The following TEKT4 variants were observed in gnomAD, a reference collection of about 807,000 sequenced individuals.
The protein encoded by TEKT4 is tektin-4.
TEKT4 carries 46 observed loss-of-function variants against 46.0 expected under a neutral mutation model. The ratio of observed to expected loss-of-function variants is 1.00; its 90% confidence interval spans 0.79 to 1.28. TEKT4 has a LOEUF of 1.28. TEKT4 is among the 50% of genes most tolerant of loss of function. The pLI, the probability that TEKT4 is intolerant of heterozygous loss-of-function variation, is 0.00. For missense variants in TEKT4, 790 were observed against 622.9 expected, an observed-to-expected ratio of 1.27 and a Z score of -2.85; for synonymous variants, 325 against 265.8, an observed-to-expected ratio of 1.22 and a Z score of -2.17.
intron 3 of TEKT4, among the ~76,000 whole-genome samples, chr2:94,874,392 C>T (rs1279774725): frequency 6.6e-6 from 1 of 152,042 alleles, no homozygotes; most frequent in African/African-American, 2.4e-5. Context: ...GGAGCCTGAC[C>T]ACCGCCCACT....
intron 3 of TEKT4, among the ~76,000 whole-genome samples, 166 bp from the exon 4 acceptor site, chr2:94,874,610 G>A (rs1457496660): frequency 6.6e-6 from 1 of 151,888 alleles, no homozygotes; most frequent in Non-Finnish European, 1.5e-5. Flanking sequence ...GCACTCGGGG[G>A]CAGGGAGCCT....
chr2:94,876,483 C>T (rs1680859066), intron 5 of TEKT4, 70 bp from the exon 6 acceptor site: 1 of 1,399,822 alleles, frequency 7.1e-7, no homozygotes. Context: ...AGTTTTGGGT[C>T]CCCTACACCC....
At position 94,872,000 on chromosome 2, in the gene TEKT4, ACT is replaced by A. The variant is rs1680591838; in HGVS notation, c.422_423del (p.Thr141ArgfsTer7). ...CACAGAGGTGCCCTTCTCCATCACC[ACT>A]GACAACCTGCAGTGCCGTGAGCGCC... Reference protein sequence around the residue: ...DATEVPFSITTDNLQCRERRE... With the variant: ...DATEVPFSITXDNLQCRERRE... On this transcript the variant is annotated frameshift_variant, in exon 1 of 6. Transcript: ENST00000295201. LOFTEE classifies it high-confidence loss of function. 6.3e-7 allele frequency: 1 copy of A among 1,598,378 alleles called. No individual in the cohort carries two copies.
In TEKT4 at chr2:94,871,859, C is replaced by A. The variant is rs782025240; in HGVS notation, c.280C>A (p.Arg94=). The change falls in exon 1 of 6, where the codon CGA becomes AGA. Residue 94 remains arginine (R), a synonymous_variant. Coordinates refer to ENST00000295201, the MANE Select transcript of TEKT4 (RefSeq NM_144705.4). ...AGACTCCACGCGCACAGTGGGCGAG[C>A]GACTGCAGGACACGCACAGCTGGAA... ...QQDSTRTVGE[R]LQDTHSWKSE... is the part of the protein sequence containing the mutation. The A allele has an allele frequency of 5.0e-6, 8 of 1,602,568 alleles. No individual in the cohort carries two copies. Among genetic ancestry groups the A allele is most frequent in the East Asian group, 2.2e-5 (1 of 44,706 alleles).
Position 94,871,674 on chromosome 2 carries a change from C to T in TEKT4, c.95C>T (p.Ala32Val), listed in dbSNP as rs782592018. Residue 32 changes from alanine to valine, a missense_variant, in exon 1 of 6, where the codon GCC (alanine) becomes GTC (valine). By Grantham distance (64) the Ala-to-Val change is moderately conservative. Coordinates refer to ENST00000295201, the MANE Select transcript of TEKT4 (RefSeq NM_144705.4). Reference sequence around the variant, plus strand: ...TACACGTCCTCCGGCCTGGCCACCGCCAGCTTCCGCACCTCCAAGTACCTG... The same window carrying T: ...TACACGTCCTCCGGCCTGGCCACCGTCAGCTTCCGCACCTCCAAGTACCTG... ...GAYTSSGLAT[A>V]SFRTSKYLLE... The T allele has an allele frequency of 2.5e-6, 4 of 1,612,590 alleles. No individual in the cohort carries two copies. The East Asian group carries it at 8.9e-5, about 36-fold the overall frequency.
chr2:94,872,180 G>A, intron 1 of TEKT4, 103 bp downstream of exon 1: 1 of 1,412,562 alleles, frequency 7.1e-7, no homozygotes. Context: ...CAAGCACGCG[G>A]GAGCCCAGCC....
In TEKT4 at chr2:94,875,760, G is replaced by C. The variant is rs782616781; in HGVS notation, c.1091+18G>C. The C allele has an allele frequency of 1.2e-6, 2 of 1,611,128 alleles. No homozygotes were observed. The highest frequency in any genetic ancestry group is 1.7e-6 in the Non-Finnish European group (2 of 1,178,168). Reference sequence around the variant, plus strand: ...CAGTTCAGGTGCTGCCTGGGCCTCTGAGGCAGTCCCAGGTGGCCCTGTCCA... The same window carrying C: ...CAGTTCAGGTGCTGCCTGGGCCTCTCAGGCAGTCCCAGGTGGCCCTGTCCA... On this transcript the variant is annotated intron_variant, in intron 5 of 5. Transcript: ENST00000295201.
chr2:94,873,836 G>C, intron 2 of TEKT4, 129 bp from the exon 3 acceptor site: 2 of 1,365,698 alleles, frequency 1.5e-6, no homozygotes, highest in Non-Finnish European at 2.0e-6. Context: ...TGAGCACGAG[G>C]GCTGCCCGGG....
rs782125945 is a variant in TEKT4 at position 94,871,724 on chromosome 2, T to C, written c.145T>C (p.Tyr49His). ...YLLEEWFQNC[Y>H]ARYHQAFADR... ...GCTGGAGGAGTGGTTCCAGAACTGC[T>C]ATGCTCGCTACCACCAGGCCTTCGC... Residue 49 changes from tyrosine to histidine, a missense_variant, in exon 1 of 6, where the codon TAT becomes CAT. By Grantham distance (83) the Tyr-to-His change is moderately conservative. Transcript: ENST00000295201. The C allele has an allele frequency of 2.5e-6, 4 of 1,612,574 alleles. No individual in the cohort carries two copies. Among genetic ancestry groups the C allele is most frequent in the East Asian group, 2.2e-5 (1 of 44,858 alleles).
At chr2:94,872,208 C>T in intron 1 of TEKT4, 131 bp downstream of exon 1, 1 of 1,024,476 alleles carries the variant, frequency 9.8e-7, no homozygotes, top group Non-Finnish European at 1.4e-6. Flanking sequence ...CGTGAGACCC[C>T]TGAGTCCCGA....
chr2:94,872,999 C>G (rs1264850991), intron 1 of TEKT4: 31 of 1,289,324 alleles, frequency 2.4e-5, no homozygotes, highest in Non-Finnish European at 2.8e-5. Context: ...GTGGTTGAGG[C>G]AAAGACCCCA....
rs1553394673 is a variant in TEKT4, at chr2:94,871,930, C to T, written c.351C>T (p.Asn117=). 2 of 1,599,584 alleles carry T rather than the reference C, an allele frequency of 1.3e-6. No homozygotes were observed. The highest frequency in any genetic ancestry group is 1.1e-5 in the South Asian group (1 of 89,796). ...TGGAGGCGCTGGCTGCGGAGACCAACTTGCTCCTGGCCCAGAAGCAACGGC... is the reference window on the plus strand; with the variant it reads ...TGGAGGCGCTGGCTGCGGAGACCAATTTGCTCCTGGCCCAGAAGCAACGGC... The part of the protein sequence containing the change: ...REMEALAAET[N]LLLAQKQRLE... The change falls in exon 1 of 6, where the codon AAC becomes AAT. Residue 117 remains asparagine, a synonymous_variant. Transcript: ENST00000295201.
Position 94,876,571 on chromosome 2 carries a change from G to A in TEKT4, c.1110G>A (p.Glu370=), listed in dbSNP as rs782264276. 1.2e-6 allele frequency: 2 copies of A among 1,609,272 alleles called. No homozygotes were observed. The highest frequency in any genetic ancestry group is 2.2e-5 in the East Asian group (1 of 44,754). ...AAQFRLLSEV[E]ELNMSLTALR... is the part of the protein sequence containing the mutation. Reference sequence around the variant, plus strand: ...CCCCCAGGCTGTTGAGTGAGGTGGAGGAGCTGAACATGTCCCTCACAGCAC... The same window carrying A: ...CCCCCAGGCTGTTGAGTGAGGTGGAAGAGCTGAACATGTCCCTCACAGCAC... The change falls in exon 6 of 6, where the codon GAG becomes GAA. Residue 370 remains glutamate (E), a synonymous_variant. Coordinates refer to ENST00000295201, the MANE Select transcript of TEKT4 (RefSeq NM_144705.4).
At chr2:94,872,893 C>T in intron 1 of TEKT4, 1 of 1,289,394 alleles carries the variant, frequency 7.8e-7, no homozygotes, top group African/African-American at 1.5e-5. Flanking sequence ...AACAAGGGCA[C>T]CTGCCAACTG....
Position 94,871,726 on chromosome 2 carries a change from TGCTC to T in TEKT4, c.151_154del (p.Arg51ThrfsTer114). 6.2e-7 allele frequency: 1 copy of T among 1,612,620 alleles called. No individual in the cohort carries two copies. Among genetic ancestry groups the T allele is most frequent in the Non-Finnish European group, 8.5e-7 (1 of 1,179,916 alleles). On this transcript the variant is annotated frameshift_variant, in exon 1 of 6. Transcript: ENST00000295201. LOFTEE classifies it high-confidence loss of function. ...TGGAGGAGTGGTTCCAGAACTGCTATGCTCGCTACCACCAGGCCTTCGCCGACCG... is the reference window on the plus strand; with the variant it reads ...TGGAGGAGTGGTTCCAGAACTGCTATGCTACCACCAGGCCTTCGCCGACCG...
Position 94,875,008 on chromosome 2 carries a change from C to T in TEKT4, c.936+10C>T, listed in dbSNP as rs1378810779. 6.9e-6 allele frequency: 11 copies of T among 1,586,230 alleles called. No homozygotes were observed. In the African/African-American group the frequency reaches 1.3e-4, roughly 19 times the overall value. ...TCACCACCTGCACAAGGTGGGGCAC[C>T]CTGAACCCCGAAGACGGCCCCCTCT... On this transcript the variant is annotated intron_variant, in intron 4 of 5. Transcript: ENST00000295201.
In TEKT4 at chr2:94,871,674, C is replaced by A. The variant is rs782592018; in HGVS notation, c.95C>A (p.Ala32Asp). 4 of 1,612,472 alleles carry A rather than the reference C, an allele frequency of 2.5e-6. No homozygotes were observed. Among genetic ancestry groups the A allele is most frequent in the Non-Finnish European group, 3.4e-6 (4 of 1,179,934 alleles). The change falls in exon 1 of 6, where the codon GCC becomes GAC. Residue 32 changes from alanine (A) to aspartate (D), a missense_variant. Ala to Asp is a moderately radical substitution (Grantham distance 126, BLOSUM62 -2). Coordinates refer to ENST00000295201, the MANE Select transcript of TEKT4 (RefSeq NM_144705.4). ...GAYTSSGLAT[A>D]SFRTSKYLLE... ...TACACGTCCTCCGGCCTGGCCACCG[C>A]CAGCTTCCGCACCTCCAAGTACCTG...
chr2:94,871,877 A>G lies in TEKT4; in HGVS notation c.298A>G (p.Ser100Gly), dbSNP rs11164112. 612,728 of 1,597,954 alleles carry G rather than the reference A, an allele frequency of 0.38. 119,745 individuals carry two copies. The highest frequency in any genetic ancestry group is 0.54 in the East Asian group (23,853 of 44,544). The change falls in exon 1 of 6, where the codon AGC becomes GGC. Residue 100 changes from serine to glycine, a missense_variant. Coordinates refer to ENST00000295201, the MANE Select transcript of TEKT4 (RefSeq NM_144705.4). ...GGGCGAGCGACTGCAGGACACGCAC[A>G]GCTGGAAGTCGGAGCTGCAGCGTGA... is the stretch of plus-strand genomic sequence containing the variant. ...TVGERLQDTH[S>G]WKSELQREME...
In TEKT4 at chr2:94,871,548, C is replaced by A; in HGVS notation, c.-32C>A. ...CAACCGGCTGACCACACACAGTCCTCACTCCCCTGGCCCTGGTGGGCGGCA... is the reference window on the plus strand; with the variant it reads ...CAACCGGCTGACCACACACAGTCCTAACTCCCCTGGCCCTGGTGGGCGGCA... On this transcript the variant is annotated 5_prime_UTR_variant, in exon 1 of 6. Transcript: ENST00000295201. 1 of 1,554,848 alleles carries A rather than the reference C, an allele frequency of 6.4e-7. No homozygotes were observed. The highest frequency in any genetic ancestry group is 8.7e-7 in the Non-Finnish European group (1 of 1,151,026).
Sources: gnomAD v4.1 joint callset for allele counts (sites outside exome capture counted in the v4.1 genomes callset) on GRCh38, gnomAD v4.1.1 for gene constraint, MANE v1.5 for transcripts, NCBI Gene and HGNC (gene_info 2026-07-23, HGNC 2026-07-21) for gene names.